Variants in ZNF266 observed in about 807,000 individuals in gnomAD.
The protein encoded by ZNF266 is zinc finger protein 1.
ZNF266 carries 16 observed loss-of-function variants against 16.4 expected under a neutral mutation model. The observed-to-expected ratio is 0.98, with a 90% CI of 0.66 to 1.48. The LOEUF (loss-of-function observed/expected upper bound fraction) is 1.48, where lower values mean the gene tolerates loss of function less well. Among genes scored for constraint, ZNF266 ranks in the 40% most tolerant of loss-of-function variants. ZNF266 has a pLI of 0.00. For missense variants in ZNF266, 738 were observed against 689.1 expected (o/e 1.07, Z -0.79); for synonymous variants, 262 against 237.9 (o/e 1.10, Z -0.93).
chr19:9,414,205 A>G lies in ZNF266; in HGVS notation c.921T>C (p.Tyr307=). The change falls in exon 11 of 11, where the codon TAT becomes TAC. Residue 307 remains tyrosine, a synonymous_variant. Coordinates refer to ENST00000592904, the MANE Select transcript of ZNF266 (RefSeq NM_001370374.1). ...AGGCTTTCCCACACTCCTTACACTCATAGGGATTGTCTCCAGTGTGGGTTC... is the reference window on the plus strand; with the variant it reads ...AGGCTTTCCCACACTCCTTACACTCGTAGGGATTGTCTCCAGTGTGGGTTC... ...HMGTHTGDNP[Y]ECKECGKAFT... is the part of the protein sequence containing the mutation. 1 of 1,614,222 alleles carries G rather than the reference A, an allele frequency of 6.2e-7. No individual in the cohort carries two copies. The highest frequency in any genetic ancestry group is 1.1e-5 in the South Asian group (1 of 91,088).
intron 5 of ZNF266, among the ~76,000 whole-genome samples, chr19:9,422,245 G>A (rs1261166989): frequency 6.6e-6 from 1 of 152,150 alleles, no homozygotes; most frequent in Non-Finnish European, 1.5e-5. Flanking sequence ...TTTTCTTTGT[G>A]GAGTCTCTGT....
chr19:9,426,863 G>A (rs1003239287), intron 5 of ZNF266, among the ~76,000 whole-genome samples: 1 of 145,864 alleles, frequency 6.9e-6, no homozygotes, highest in African/African-American at 2.8e-5. Flanking sequence ...TTTAACTGTA[G>A]CCTTGCTTAA....
intron 10 of ZNF266, 135 bp from the exon 11 acceptor site, chr19:9,414,855 C>T (rs1242854522): frequency 1.0e-6 from 1 of 984,388 alleles, no homozygotes; most frequent in Non-Finnish European, 1.4e-6. Context: ...AAGTAATGCC[C>T]TTTTGATTTC....
chr19:9,417,981 G>T, intron 8 of ZNF266, 73 bp from the exon 9 acceptor site: 4 of 1,416,346 alleles, frequency 2.8e-6, no homozygotes, highest in Non-Finnish European at 4.0e-6. Context: ...CAACTCAGGA[G>T]ATATAGTTCC....
chr19:9,423,153 C>T (rs1384392075), intron 5 of ZNF266, among the ~76,000 whole-genome samples: 1 of 152,186 alleles, frequency 6.6e-6, no homozygotes, highest in Non-Finnish European at 1.5e-5. Context: ...AAGGACTTCC[C>T]CTTACCAAGT....
At position 9,413,297 on chromosome 19, in the gene ZNF266, G is replaced by T. The variant is rs201935806; in HGVS notation, c.1829C>A (p.Ala610Glu). 1 of 1,596,730 alleles carries T rather than the reference G, an allele frequency of 6.3e-7. No individual in the cohort carries two copies. Among genetic ancestry groups the T allele is most frequent in the East Asian group, 2.2e-5 (1 of 44,710 alleles). ...TCCTTATGCTGACAGTCTCTCATCC[G>T]CATGCCTTCTTTCATGATTTCGAAA... ...SSFRNHERRH[A>E]DERLSA Residue 610 changes from alanine (A) to glutamate (E), a missense_variant, in exon 11 of 11, where the codon GCG (alanine) becomes GAG (glutamate). By Grantham distance (107) the Ala-to-Glu change is moderately radical (BLOSUM62 -1). Coordinates refer to ENST00000592904, the MANE Select transcript of ZNF266 (RefSeq NM_001370374.1).
intron 9 of ZNF266, among the ~76,000 whole-genome samples, chr19:9,416,352 GTT>G (rs796409178): frequency 3.1e-5 from 1 of 31,876 alleles, no homozygotes; most frequent in African/African-American, 1.1e-4. Context: ...CAAGGAGCTT[GTT>G]TTTGTTTTTT....
rs2071521155 is a variant in ZNF266 at position 9,431,118 on chromosome 19, G to A, written c.-130+2550C>T. On this transcript the variant is annotated intron_variant, in intron 5 of 10. Transcript: ENST00000592904. ...AGACAGAAGCCTCAGGACCTAATTA[G>A]AGGAACATACTAAAAGGGGACATGG... Among the ~76,000 whole-genome samples, 5 of 152,190 alleles carry A rather than the reference G, an allele frequency of 3.3e-5. No individual in the cohort carries two copies. In the South Asian group the frequency reaches 1.0e-3, roughly 32 times the overall value.
intron 5 of ZNF266, among the ~76,000 whole-genome samples, chr19:9,428,349 C>T (rs1365991641): frequency 6.6e-6 from 1 of 152,224 alleles, no homozygotes; most frequent in Non-Finnish European, 1.5e-5. Flanking sequence ...AAGGCAGTGG[C>T]TTCCCCTGTT....
At chr19:9,427,481 C>T (rs1352765474) in intron 5 of ZNF266, among the ~76,000 whole-genome samples, 1 of 151,894 alleles carries the variant, frequency 6.6e-6, no homozygotes, top group Non-Finnish European at 1.5e-5. Flanking sequence ...TCACCATGCC[C>T]AGCTAATATA....
chr19:9,433,017 C>T (rs953667525), intron 5 of ZNF266, among the ~76,000 whole-genome samples: 3 of 152,146 alleles, frequency 2.0e-5, no homozygotes, highest in Admixed American at 1.3e-4. Flanking sequence ...GGCCAGAGCC[C>T]ATCCTAACAG....
At position 9,414,314 on chromosome 19, in the gene ZNF266, T is replaced by A; in HGVS notation, c.812A>T (p.Gln271Leu). ...GTAGGGTTTTTCTGACCTGTGAGTT[T>A]GTATACGCACAGCAAGGTCTGTGGA... ...IHSTDLAVRI[Q>L]THRSEKPYKC... The change falls in exon 11 of 11, where the codon CAA becomes CTA. Residue 271 changes from glutamine to leucine, a missense_variant. Gln to Leu is a moderately radical substitution (Grantham distance 113). Coordinates refer to ENST00000592904, the MANE Select transcript of ZNF266 (RefSeq NM_001370374.1). 2.5e-6 allele frequency: 4 copies of A among 1,614,090 alleles called. No homozygotes were observed. Among genetic ancestry groups the A allele is most frequent in the Non-Finnish European group, 3.4e-6 (4 of 1,179,978 alleles).
chr19:9,413,401 C>A lies in ZNF266; in HGVS notation c.1725G>T (p.Gln575His). The A allele has an allele frequency of 1.2e-6, 2 of 1,606,632 alleles. No homozygotes were observed. The highest frequency in any genetic ancestry group is 1.7e-6 in the Non-Finnish European group (2 of 1,177,312). ...CTCCAGTGTGAGTTCGTTCATGTAA[C>A]TGAAACGAATTGGAGTAACTGAAGG... ...GKSFSYSNSF[Q>H]LHERTHTGEK... The change falls in exon 11 of 11, where the codon CAG (glutamine) becomes CAT (histidine). Residue 575 changes from glutamine to histidine, a missense_variant. Transcript: ENST00000592904.
chr19:9,434,588 CTT>C (rs1161968920), intron 3 of ZNF266, among the ~76,000 whole-genome samples: 2 of 152,160 alleles, frequency 1.3e-5, no homozygotes, highest in Non-Finnish European at 2.9e-5. Flanking sequence ...AGACATGAAA[CTT>C]GGATACGTAA....
Position 9,421,891 on chromosome 19 carries a change from A to T in ZNF266, c.-129-1673T>A, listed in dbSNP as rs9783951. ...TTTTGAGACGGAGGCTCGCTCTGTC[A>T]CCCAGGCTGGAGTGCAGTGGCGCGA... On this transcript the variant is annotated intron_variant, in intron 5 of 10. Coordinates refer to ENST00000592904, the MANE Select transcript of ZNF266 (RefSeq NM_001370374.1). 1.8e-3 allele frequency among the ~76,000 whole-genome samples: 275 copies of T among 151,576 alleles called. 6 individuals carry two copies. Among genetic ancestry groups the T allele is most frequent in the Admixed American group, 0.017 (257 of 15,228 alleles).
At chr19:9,417,931 T>G (rs1353159459) in intron 8 of ZNF266, 23 bp from the exon 9 acceptor site, 1 of 1,606,342 alleles carries the variant, frequency 6.2e-7, no homozygotes, top group Non-Finnish European at 8.5e-7. Flanking sequence ...AAAGATACAT[T>G]ACCAGAAGAG....
Position 9,414,524 on chromosome 19 carries a change from CACTGACTAAA to C in ZNF266, c.592_601del (p.Phe198ValfsTer7). Reference sequence around the variant, plus strand: ...TGGGTTCAGGCTGAAGGCTTTTCCACACTGACTAAATACAGAACGTTGCTCTCCAGTAGAG... The same window carrying C: ...TGGGTTCAGGCTGAAGGCTTTTCCACTACAGAACGTTGCTCTCCAGTAGAG... On this transcript the variant is annotated frameshift_variant, in exon 11 of 11. Coordinates refer to ENST00000592904, the MANE Select transcript of ZNF266 (RefSeq NM_001370374.1). LOFTEE classifies it low-confidence loss of function (END_TRUNC). 6.2e-7 allele frequency: 1 copy of C among 1,614,186 alleles called. No homozygotes were observed. The highest frequency in any genetic ancestry group is 8.5e-7 in the Non-Finnish European group (1 of 1,179,986).
At chr19:9,428,934 A>G (rs959432224) in intron 5 of ZNF266, among the ~76,000 whole-genome samples, 5 of 151,640 alleles carry the variant, frequency 3.3e-5, no homozygotes, top group African/African-American at 1.2e-4. Flanking sequence ...GGGTCTCGCT[A>G]TGTTGCCCAG....
intron 5 of ZNF266, among the ~76,000 whole-genome samples, chr19:9,431,365 G>T (rs1456663353): frequency 6.6e-6 from 1 of 152,202 alleles, no homozygotes; most frequent in Non-Finnish European, 1.5e-5. Flanking sequence ...GGCACCCTCT[G>T]CACATGTGCC....
Sources: gnomAD v4.1 joint callset for allele counts (sites outside exome capture counted in the v4.1 genomes callset) on GRCh38, gnomAD v4.1.1 for gene constraint, MANE v1.5 for transcripts, NCBI Gene and HGNC (gene_info 2026-07-23, HGNC 2026-07-21) for gene names.